SPOCK1: variants seen among roughly 807,000 people sequenced by gnomAD.
SPOCK1 encodes SPARC (osteonectin), cwcv and kazal like domains proteoglycan 1, also known as testican-1.
A neutral mutation model predicts 55.3 loss-of-function variants in SPOCK1; 23 were observed. The ratio of observed to expected loss-of-function variants is 0.42; its 90% CI spans 0.30 to 0.59. The LOEUF (loss-of-function observed/expected upper bound fraction) is 0.59, where lower values mean the gene tolerates loss of function less well. Among genes scored for constraint, SPOCK1 ranks in the 20% least tolerant of loss-of-function variants. SPOCK1 has a pLI of 0.22. For synonymous variants in SPOCK1, 226 were observed against 221.0 expected, an observed-to-expected ratio of 1.02 and a Z score of -0.20; for missense variants, 499 against 552.5, an observed-to-expected ratio of 0.90 and a Z score of 0.97.
intron 2 of SPOCK1, among the ~76,000 whole-genome samples, chr5:137,321,667 A>C (rs1757984349): frequency 6.6e-6 from 1 of 152,176 alleles, no homozygotes; most frequent in Non-Finnish European, 1.5e-5. Context: ...CGAGGTCAGG[A>C]GTTCAAGACG....
chr5:137,192,049 A>T (rs1308289148), intron 3 of SPOCK1, among the ~76,000 whole-genome samples: 1 of 151,918 alleles, frequency 6.6e-6, no homozygotes, highest in Non-Finnish European at 1.5e-5. Context: ...AGCCTAGTCA[A>T]CACAGTGAAA....
At position 137,258,436 on chromosome 5, in the gene SPOCK1, T is replaced by C. The variant is rs145715987; in HGVS notation, c.232+8574A>G. 4.3e-3 allele frequency among the ~76,000 whole-genome samples: 652 copies of C among 152,346 alleles called. 6 individuals carry two copies. Among genetic ancestry groups the C allele is most frequent in the African/African-American group, 0.014 (580 of 41,574 alleles). On this transcript the variant is annotated intron_variant, in intron 3 of 10. Coordinates refer to ENST00000394945, the MANE Select transcript of SPOCK1 (RefSeq NM_004598.4). Reference sequence around the variant, plus strand: ...GCCTGAAAGTTGTAGAGGACGCAGGTGATGCCTGCAGGTTTTTCTCCAAGC... The same window carrying C: ...GCCTGAAAGTTGTAGAGGACGCAGGCGATGCCTGCAGGTTTTTCTCCAAGC...
intron 9 of SPOCK1, among the ~76,000 whole-genome samples, chr5:136,982,825 G>A (rs1317824438): frequency 6.6e-6 from 1 of 152,154 alleles, no homozygotes; most frequent in African/African-American, 2.4e-5. Flanking sequence ...AAGTGAGTCT[G>A]GGGTTAGTAA....
chr5:137,292,577 G>A (rs1339736214), intron 2 of SPOCK1, among the ~76,000 whole-genome samples: 4 of 151,258 alleles, frequency 2.6e-5, no homozygotes, highest in South Asian at 2.1e-4. Flanking sequence ...TTGTTAGAAC[G>A]AAGCCCTTCC....
chr5:137,368,567 G>C (rs73298722), intron 2 of SPOCK1, among the ~76,000 whole-genome samples: 10,156 of 152,256 alleles, frequency 0.067, 645 homozygotes, highest in African/African-American at 0.16. Flanking sequence ...GTGTGCATGG[G>C]GGACACACGC....
chr5:137,006,222 T>A (rs983688859), intron 6 of SPOCK1, among the ~76,000 whole-genome samples: 6 of 152,178 alleles, frequency 3.9e-5, no homozygotes, highest in African/African-American at 1.4e-4. Flanking sequence ...TTTAAAGTAG[T>A]TTTTTCTAAT....
intron 2 of SPOCK1, among the ~76,000 whole-genome samples, chr5:137,340,834 T>C (rs1008776800): frequency 6.8e-6 from 1 of 147,950 alleles, no homozygotes; most frequent in African/African-American, 2.5e-5. Context: ...TGAGCTGAGA[T>C]CACACTAATG....
At chr5:137,263,843 C>T (rs1357237695) in intron 3 of SPOCK1, among the ~76,000 whole-genome samples, 1 of 152,132 alleles carries the variant, frequency 6.6e-6, no homozygotes, top group Admixed American at 6.5e-5. Flanking sequence ...TAAAGATTCA[C>T]TTAAAGATAA....
At chr5:137,221,972 T>G (rs1755856108) in intron 3 of SPOCK1, among the ~76,000 whole-genome samples, 1 of 152,100 alleles carries the variant, frequency 6.6e-6, no homozygotes, top group Non-Finnish European at 1.5e-5. Context: ...TTGATCAGAC[T>G]CCATCTGAAA....
chr5:137,426,283 A>G (rs1050219309), intron 2 of SPOCK1, among the ~76,000 whole-genome samples: 2 of 152,182 alleles, frequency 1.3e-5, no homozygotes, highest in Non-Finnish European at 2.9e-5. Context: ...ACTTTTTTAC[A>G]TATCAACTGC....
At chr5:137,296,232 A>G (rs1757476985) in intron 2 of SPOCK1, among the ~76,000 whole-genome samples, 1 of 152,150 alleles carries the variant, frequency 6.6e-6, no homozygotes, top group Non-Finnish European at 1.5e-5. Context: ...AAGCCACCCA[A>G]CATATGGTAT....
chr5:137,149,935 G>A (rs913254564), intron 3 of SPOCK1, among the ~76,000 whole-genome samples: 14 of 152,178 alleles, frequency 9.2e-5, no homozygotes, highest in Non-Finnish European at 5.9e-5. Context: ...CCACTTTACT[G>A]AGATGTTGTG....
intron 5 of SPOCK1, among the ~76,000 whole-genome samples, chr5:137,103,948 T>C (rs1192815592): frequency 1.3e-5 from 2 of 152,314 alleles, no homozygotes; most frequent in Admixed American, 6.5e-5. Context: ...TGACACTGAG[T>C]GTTTGTCCCC....
chr5:137,032,014 A>AAT (rs200964209), intron 6 of SPOCK1, among the ~76,000 whole-genome samples: 2,691 of 147,872 alleles, frequency 0.018, 54 homozygotes, highest in African/African-American at 0.047. Context: ...AATAAAAAGA[A>AAT]ATATATATAT....
intron 2 of SPOCK1, among the ~76,000 whole-genome samples, chr5:137,368,966 A>G (rs1751138264): frequency 6.6e-6 from 1 of 152,166 alleles, no homozygotes. Flanking sequence ...TGAAGGAATG[A>G]CCTAGATGCT....
intron 2 of SPOCK1, among the ~76,000 whole-genome samples, chr5:137,339,406 C>T (rs1245978628): frequency 2.0e-5 from 3 of 152,178 alleles, no homozygotes; most frequent in Non-Finnish European, 4.4e-5. Flanking sequence ...ACATTTTCTA[C>T]TAAATGTATA....
chr5:137,183,138 C>T (rs1455733573), intron 3 of SPOCK1, among the ~76,000 whole-genome samples: 3 of 152,110 alleles, frequency 2.0e-5, no homozygotes, highest in Non-Finnish European at 1.5e-5. Context: ...TTCCAAGCAT[C>T]CATCAATCTC....
At chr5:136,998,750 C>T (rs550643222) in intron 6 of SPOCK1, among the ~76,000 whole-genome samples, 21 of 152,282 alleles carry the variant, frequency 1.4e-4, no homozygotes, top group African/African-American at 3.8e-4. Context: ...GGAAGAACTG[C>T]GAACAGCCTG....
chr5:137,478,734 C>T (rs1199991780), intron 2 of SPOCK1, among the ~76,000 whole-genome samples: 2 of 152,112 alleles, frequency 1.3e-5, no homozygotes, highest in East Asian at 3.9e-4. Flanking sequence ...GTCTCTTATA[C>T]CAGACTCTAT....
Sources: gnomAD v4.1 joint callset for allele counts (sites outside exome capture counted in the v4.1 genomes callset) on GRCh38, gnomAD v4.1.1 for gene constraint, MANE v1.5 for transcripts, NCBI Gene and HGNC (gene_info 2026-07-23, HGNC 2026-07-21) for gene names.